The following GPATCH2 variants were observed in gnomAD, a reference collection of about 807,000 sequenced individuals.
GPATCH2 encodes G patch domain-containing protein 2.
GPATCH2 carries 51 observed loss-of-function variants against 58.0 expected under a neutral mutation model. The ratio of observed to expected loss-of-function variants is 0.88; its 90% CI spans 0.70 to 1.11. GPATCH2 has a LOEUF of 1.11. Among genes scored for constraint, GPATCH2 ranks in the 50% most tolerant of loss-of-function variants. GPATCH2 has a pLI of 0.00. For synonymous variants in GPATCH2, 222 were observed against 218.5 expected (o/e 1.02, Z -0.14); for missense variants, 625 against 652.2 (o/e 0.96, Z 0.45).
chr1:217,554,206 G>A (rs977309523), intron 5 of GPATCH2, among the ~76,000 whole-genome samples: 1 of 152,148 alleles, frequency 6.6e-6, no homozygotes, highest in Non-Finnish European at 1.5e-5. Context: ...TGAGTTTATT[G>A]TTGTGCACAG....
intron 1 of GPATCH2, among the ~76,000 whole-genome samples, chr1:217,622,399 C>T (rs1193876569): frequency 6.6e-6 from 1 of 152,164 alleles, no homozygotes; most frequent in Admixed American, 6.5e-5. Context: ...TTTCCATGGG[C>T]ATTCTGAATG....
chr1:217,544,790 C>G (rs2059397), intron 5 of GPATCH2, among the ~76,000 whole-genome samples: 2,744 of 152,298 alleles, frequency 0.018, 41 homozygotes, highest in Middle Eastern at 0.088. Flanking sequence ...AATTTGCCTT[C>G]TATCTTACAA....
At chr1:217,460,666 A>T (rs1486059865) in intron 8 of GPATCH2, among the ~76,000 whole-genome samples, 1 of 152,268 alleles carries the variant, frequency 6.6e-6, no homozygotes, top group East Asian at 1.9e-4. Context: ...CTCTCTGCAC[A>T]CATCAAGTTT....
intron 5 of GPATCH2, among the ~76,000 whole-genome samples, chr1:217,559,547 T>C (rs779785288): frequency 6.6e-6 from 1 of 152,080 alleles, no homozygotes; most frequent in Non-Finnish European, 1.5e-5. Context: ...CCTCATCTTA[T>C]GGCATTACAA....
chr1:217,492,711 CAAT>C (rs1194535497), intron 7 of GPATCH2: 2 of 152,068 alleles, frequency 1.3e-5, no homozygotes, highest in Non-Finnish European at 2.9e-5. Flanking sequence ...ATGGAAATAA[CAAT>C]AATATCTACC....
chr1:217,537,305 G>A (rs1664525256), intron 5 of GPATCH2, among the ~76,000 whole-genome samples: 1 of 152,088 alleles, frequency 6.6e-6, no homozygotes, highest in Admixed American at 6.5e-5. Flanking sequence ...AATACAGTCT[G>A]TTTCAATTAA....
chr1:217,600,439 T>C (rs1668055008), intron 5 of GPATCH2, among the ~76,000 whole-genome samples: 2 of 152,170 alleles, frequency 1.3e-5, no homozygotes, highest in African/African-American at 4.8e-5. Flanking sequence ...GACTTGCAGG[T>C]GACTTCCGTA....
chr1:217,511,183 G>T (rs1356292024), intron 6 of GPATCH2, among the ~76,000 whole-genome samples: 4 of 152,094 alleles, frequency 2.6e-5, no homozygotes, highest in African/African-American at 9.7e-5. Flanking sequence ...GCTTTATGAT[G>T]TATTCATTAA....
intron 5 of GPATCH2, among the ~76,000 whole-genome samples, chr1:217,601,162 G>T (rs1317570699): frequency 6.6e-6 from 1 of 151,998 alleles, no homozygotes; most frequent in Non-Finnish European, 1.5e-5. Context: ...AACCTCTGTA[G>T]CGAAGTTCTT....
At chr1:217,432,368 G>T (rs1658582136) in intron 9 of GPATCH2, among the ~76,000 whole-genome samples, 1 of 152,036 alleles carries the variant, frequency 6.6e-6, no homozygotes, top group African/African-American at 2.4e-5. Context: ...GTTGAGCATA[G>T]ATACTGTATA....
At chr1:217,512,379 T>A (rs1015790189) in intron 6 of GPATCH2, among the ~76,000 whole-genome samples, 2 of 152,158 alleles carry the variant, frequency 1.3e-5, no homozygotes, top group African/African-American at 4.8e-5. Flanking sequence ...TAAAGTCTTA[T>A]AATTAGGGAA....
Position 217,513,151 on chromosome 1 carries a change from G to A in GPATCH2, c.1166+1671C>T, listed in dbSNP as rs932030210. ...CTAAAAATACAAAAATTAGCCAGGC[G>A]TGGTGGCACACGCCTGTAGTCCCAA... On this transcript the variant is annotated intron_variant, in intron 6 of 9. Transcript: ENST00000366935. Among the ~76,000 whole-genome samples the A allele has an allele frequency of 3.9e-5, 6 of 152,104 alleles. No homozygotes were observed. In the East Asian group the frequency reaches 5.8e-4, roughly 15 times the overall value.
intron 6 of GPATCH2, among the ~76,000 whole-genome samples, chr1:217,499,686 T>C (rs1049042939): frequency 2.6e-5 from 4 of 151,910 alleles, no homozygotes; most frequent in South Asian, 2.1e-4. Flanking sequence ...TTCATTGTAG[T>C]TCCTCTGACA....
intron 8 of GPATCH2, among the ~76,000 whole-genome samples, chr1:217,453,290 G>A (rs557373875): frequency 6.6e-6 from 1 of 152,132 alleles, no homozygotes; most frequent in Non-Finnish European, 1.5e-5. Context: ...AGATCCTTTT[G>A]TAAGGTGTAT....
intron 5 of GPATCH2, among the ~76,000 whole-genome samples, chr1:217,603,161 G>T (rs1253753685): frequency 6.6e-6 from 1 of 152,030 alleles, no homozygotes; most frequent in Non-Finnish European, 1.5e-5. Context: ...ACTTTGCAAG[G>T]TTCCATATTT....
intron 5 of GPATCH2, among the ~76,000 whole-genome samples, chr1:217,581,329 C>T (rs1250663600): frequency 6.6e-6 from 1 of 152,176 alleles, no homozygotes; most frequent in Non-Finnish European, 1.5e-5. Context: ...TAGCACAAGA[C>T]CTTACAAGAA....
At chr1:217,498,575 G>C (rs1240955491) in intron 6 of GPATCH2, 180 bp from the exon 7 acceptor site, 1 of 622,758 alleles carries the variant, frequency 1.6e-6, no homozygotes, top group African/African-American at 1.8e-5. Context: ...AACTGTAAAA[G>C]TGCTCATAAC....
chr1:217,532,021 T>C (rs1480321807), intron 5 of GPATCH2, among the ~76,000 whole-genome samples: 1 of 152,232 alleles, frequency 6.6e-6, no homozygotes, highest in African/African-American at 2.4e-5. Flanking sequence ...AATAGGATAC[T>C]GTCTATCATA....
chr1:217,625,578 G>T (rs1053752215), intron 1 of GPATCH2, among the ~76,000 whole-genome samples: 2 of 152,100 alleles, frequency 1.3e-5, no homozygotes, highest in Non-Finnish European at 2.9e-5. Context: ...GAAAAATAAA[G>T]TATATATAGA....
Sources: gnomAD v4.1 joint callset for allele counts (sites outside exome capture counted in the v4.1 genomes callset) on GRCh38, gnomAD v4.1.1 for gene constraint, MANE v1.5 for transcripts, NCBI Gene and HGNC (gene_info 2026-07-23, HGNC 2026-07-21) for gene names.